Variants in NAALADL2 observed in about 807,000 individuals in gnomAD.
NAALADL2 encodes the protein N-acetylated alpha-linked acidic dipeptidase like 2.
A neutral mutation model predicts 87.2 loss-of-function variants in NAALADL2; 76 were observed. The ratio of observed to expected loss-of-function variants is 0.87; its 90% CI spans 0.72 to 1.05. The LOEUF (loss-of-function observed/expected upper bound fraction) is 1.05, where lower values mean the gene tolerates loss of function less well. NAALADL2 is among the 50% of genes least tolerant of loss of function. The pLI is 0.00. For missense variants in NAALADL2, 1,089 were observed against 945.8 expected (o/e 1.15, Z -1.99); for synonymous variants, 354 against 331.0 (o/e 1.07, Z -0.75).
chr3:174,711,489 A>G (rs1730629395), intron 2 of NAALADL2, among the ~76,000 whole-genome samples: 2 of 152,176 alleles, frequency 1.3e-5, no homozygotes, highest in Non-Finnish European at 1.5e-5. Flanking sequence ...TTCTATTTCC[A>G]GGAAAGTACA....
chr3:174,616,298 A>T (rs1416628535), intron 2 of NAALADL2, among the ~76,000 whole-genome samples: 2 of 151,980 alleles, frequency 1.3e-5, no homozygotes, highest in African/African-American at 4.8e-5. Flanking sequence ...AAAGAGACAG[A>T]TATACATAAA....
At chr3:175,207,008 C>T (rs1235240793) in intron 2 of NAALADL2, among the ~76,000 whole-genome samples, 1 of 152,062 alleles carries the variant, frequency 6.6e-6, no homozygotes, top group Admixed American at 6.6e-5. Context: ...GAGATACACA[C>T]AGAAACACAA....
intron 1 of NAALADL2, among the ~76,000 whole-genome samples, chr3:175,022,733 G>C (rs764557132): frequency 2.0e-5 from 3 of 152,084 alleles, no homozygotes; most frequent in Non-Finnish European, 4.4e-5. Context: ...TTGGCTGAGA[G>C]AGATTGACTG....
rs116948960 is a variant in NAALADL2, at chr3:175,512,997, T to G, written c.1653+41239T>G. Among the ~76,000 whole-genome samples, 82 of 152,298 alleles carry G rather than the reference T, an allele frequency of 5.4e-4. 1 individual carries two copies. In the East Asian group the frequency reaches 0.016, roughly 29 times the overall value. ...GAAAAAAACATATTCAGAAGCAACT[T>G]TACAAGAAGCTACTCTAAAATATAC... On this transcript the variant is annotated intron_variant, in intron 9 of 13. Transcript: ENST00000454872.
chr3:175,635,617 C>T (rs957664618), intron 11 of NAALADL2, among the ~76,000 whole-genome samples: 1 of 152,090 alleles, frequency 6.6e-6, no homozygotes, highest in Non-Finnish European at 1.5e-5. Flanking sequence ...CATAAAGTAA[C>T]ATTTTTGGTG....
At chr3:175,711,361 A>G (rs1740508015) in intron 11 of NAALADL2, among the ~76,000 whole-genome samples, 1 of 151,920 alleles carries the variant, frequency 6.6e-6, no homozygotes, top group Non-Finnish European at 1.5e-5. Flanking sequence ...TCGTACTTTG[A>G]GTCATCATTC....
chr3:175,133,528 C>T (rs541949100), intron 2 of NAALADL2, among the ~76,000 whole-genome samples: 22 of 152,296 alleles, frequency 1.4e-4, no homozygotes, highest in Middle Eastern at 3.4e-3. Context: ...GAGACCAGCC[C>T]GGTCAACACA....
chr3:174,886,918 C>CT (rs1440224752), intron 1 of NAALADL2, among the ~76,000 whole-genome samples: 1 of 152,160 alleles, frequency 6.6e-6, no homozygotes. Flanking sequence ...CACTCACTCT[C>CT]TTTTCCCTTC....
chr3:175,160,360 C>CTTTTTTTTT (rs71164618), intron 2 of NAALADL2, among the ~76,000 whole-genome samples: 1,172 of 56,982 alleles, frequency 0.021, 113 homozygotes, highest in Non-Finnish European at 0.029. Flanking sequence ...TCTTTTCTTT[C>CTTTTTTTTT]TTTTTTTTTT....
intron 1 of NAALADL2, among the ~76,000 whole-genome samples, chr3:174,934,379 T>A (rs1436534319): frequency 6.6e-6 from 1 of 152,198 alleles, no homozygotes; most frequent in Non-Finnish European, 1.5e-5. Flanking sequence ...GATCTCACTT[T>A]TGGGAAACTG....
intron 5 of NAALADL2, among the ~76,000 whole-genome samples, chr3:175,391,626 C>T (rs932829411): frequency 2.0e-5 from 3 of 152,104 alleles, no homozygotes; most frequent in Non-Finnish European, 4.4e-5. Context: ...CAGAGGAGAT[C>T]TCAGCTGAGG....
intron 2 of NAALADL2, among the ~76,000 whole-genome samples, chr3:175,191,408 A>T (rs868314971): frequency 6.6e-5 from 10 of 152,222 alleles, no homozygotes; most frequent in African/African-American, 1.9e-4. Flanking sequence ...AGTTGGATCA[A>T]TATTTGTATA....
rs142555136 is a variant in NAALADL2, at chr3:175,515,812, A to G, written c.1653+44054A>G. Among the ~76,000 whole-genome samples the G allele has an allele frequency of 4.1e-3, 617 of 152,276 alleles. 4 individuals carry two copies. The highest frequency in any genetic ancestry group is 7.2e-3 in the Non-Finnish European group (488 of 68,022). On this transcript the variant is annotated intron_variant, in intron 9 of 13. Coordinates refer to ENST00000454872, the MANE Select transcript of NAALADL2 (RefSeq NM_207015.3). ...TGTTTCTCTATTTTTTTCCTCTCTCATGAGACATAGTTCCAGGAGGGAACC... is the reference window on the plus strand; with the variant it reads ...TGTTTCTCTATTTTTTTCCTCTCTCGTGAGACATAGTTCCAGGAGGGAACC...
rs142176926 is a variant in NAALADL2, at chr3:175,525,630, TTGAG to T, written c.1654-50405_1654-50402del. 4.9e-3 allele frequency among the ~76,000 whole-genome samples: 742 copies of T among 152,182 alleles called. 12 individuals carry two copies. The highest frequency in any genetic ancestry group is 0.017 in the African/African-American group (716 of 41,544). ...TTGAGGAAAACAGAATTAGTCAAAG[TTGAG>T]TGAGTTTTTCAAAAATTGATGGACT... On this transcript the variant is annotated intron_variant, in intron 9 of 13. Coordinates refer to ENST00000454872, the MANE Select transcript of NAALADL2 (RefSeq NM_207015.3).
intron 3 of NAALADL2, among the ~76,000 whole-genome samples, chr3:174,777,607 C>T (rs2109132611): frequency 6.6e-6 from 1 of 152,198 alleles, no homozygotes; most frequent in South Asian, 2.1e-4. Context: ...TTAATGTAGA[C>T]ATGAATAATG....
At chr3:175,047,558 A>G (rs1560512510) in intron 1 of NAALADL2, among the ~76,000 whole-genome samples, 3 of 152,180 alleles carry the variant, frequency 2.0e-5, no homozygotes, top group Non-Finnish European at 2.9e-5. Context: ...ATAGAAACAT[A>G]CAACTTACCC....
intron 2 of NAALADL2, among the ~76,000 whole-genome samples, chr3:174,588,668 A>G (rs1053559913): frequency 7.9e-5 from 12 of 152,322 alleles, no homozygotes; most frequent in Admixed American, 2.6e-4. Flanking sequence ...CCTGGGTATC[A>G]GCAGCAGAGG....
chr3:175,463,082 C>T (rs1263680882), intron 6 of NAALADL2, among the ~76,000 whole-genome samples: 1 of 152,084 alleles, frequency 6.6e-6, no homozygotes, highest in African/African-American at 2.4e-5. Context: ...CCCCACATCT[C>T]CTGAAGGTCT....
intron 13 of NAALADL2, among the ~76,000 whole-genome samples, chr3:175,794,740 CTT>C (rs1753244520): frequency 6.6e-6 from 1 of 152,184 alleles, no homozygotes; most frequent in Non-Finnish European, 1.5e-5. Context: ...CAAACAGACA[CTT>C]TTATCTATTT....
Sources: gnomAD v4.1 joint callset for allele counts (sites outside exome capture counted in the v4.1 genomes callset) on GRCh38, gnomAD v4.1.1 for gene constraint, MANE v1.5 for transcripts, NCBI Gene and HGNC (gene_info 2026-07-23, HGNC 2026-07-21) for gene names.